The following DOCK10 variants were observed in gnomAD, a reference collection of about 807,000 sequenced individuals.
The protein encoded by DOCK10 is dedicator of cytokinesis protein 10.
A neutral mutation model predicts 280.1 loss-of-function variants in DOCK10; 145 were observed. That is an observed-to-expected ratio of 0.52 (90% CI 0.45 to 0.59). The LOEUF (loss-of-function observed/expected upper bound fraction) is 0.59. Ranked by LOEUF, DOCK10 falls within the 20% of genes least tolerant of loss-of-function variation. The pLI is 0.00. For synonymous variants in DOCK10, 915 were observed against 942.2 expected (o/e 0.97, Z 0.53); for missense variants, 2,368 against 2,651.7 (o/e 0.89, Z 2.35).
chr2:224,952,267 T>G (rs1703781009), intron 1 of DOCK10, among the ~76,000 whole-genome samples: 1 of 152,198 alleles, frequency 6.6e-6, no homozygotes, highest in Non-Finnish European at 1.5e-5. Context: ...TGTGTTTTAA[T>G]TTTAACATCA....
At chr2:225,020,209 G>C (rs1361727966) in intron 1 of DOCK10, among the ~76,000 whole-genome samples, 1 of 151,516 alleles carries the variant, frequency 6.6e-6, no homozygotes, top group Non-Finnish European at 1.5e-5. Context: ...ATATATAAAT[G>C]TTATATAGAT....
At chr2:224,797,509 G>T (rs1692664670) in intron 42 of DOCK10, among the ~76,000 whole-genome samples, 1 of 152,052 alleles carries the variant, frequency 6.6e-6, no homozygotes, top group Admixed American at 6.6e-5. Context: ...CTTTAATGTG[G>T]AATCTTTAAC....
In DOCK10 at chr2:224,874,010, C is replaced by G; in HGVS notation, c.1243G>C (p.Asp415His). 6.2e-7 allele frequency: 1 copy of G among 1,610,960 alleles called. No homozygotes were observed. The highest frequency in any genetic ancestry group is 8.5e-7 in the Non-Finnish European group (1 of 1,179,194). ...LQGCVTENEN[D>H]PITNIEPFFV... ...GAGAAACTTACATTCGTTATCGGAT[C>G]ATTTTCATTCTCCGTAACACATCCC... Residue 415 changes from aspartate to histidine, a missense_variant, in exon 11 of 56, where the codon GAT becomes CAT. Asp to His is a moderately conservative substitution (Grantham distance 81). This residue lies in a region of DOCK10 where 1,209 missense variants were observed against 1,250.9 expected (regional missense o/e 0.97). Transcript: ENST00000258390.
chr2:224,792,067 T>C (rs1244582832), intron 47 of DOCK10, among the ~76,000 whole-genome samples: 2 of 152,206 alleles, frequency 1.3e-5, no homozygotes, highest in African/African-American at 4.8e-5. Flanking sequence ...ATTTAATGTG[T>C]AAACTATATC....
chr2:224,910,976 C>CT (rs533195850), intron 3 of DOCK10, among the ~76,000 whole-genome samples: 3,184 of 149,220 alleles, frequency 0.021, 104 homozygotes, highest in African/African-American at 0.073. Flanking sequence ...TTCTCTCTCC[C>CT]TTTTTTTTTT....
intron 11 of DOCK10, among the ~76,000 whole-genome samples, chr2:224,869,660 C>T (rs551848958): frequency 1.3e-5 from 2 of 152,240 alleles, no homozygotes; most frequent in East Asian, 1.9e-4. Context: ...ACAACACTGA[C>T]GTACAAAACA....
In DOCK10 at chr2:225,028,148, C is replaced by T. The variant is rs1689967597; in HGVS notation, c.123+14104G>A. Among the ~76,000 whole-genome samples, 3 of 152,026 alleles carry T rather than the reference C, an allele frequency of 2.0e-5. No individual in the cohort carries two copies. In the South Asian group the frequency reaches 6.2e-4, roughly 32 times the overall value. On this transcript the variant is annotated intron_variant, in intron 1 of 55. Transcript: ENST00000258390. ...TGCAAATATGATTAAGATGGAAGAC[C>T]TGCAGATGGGAGATTGTCCTGGATT...
chr2:224,852,526 C>T, intron 17 of DOCK10, 84 bp from the exon 18 acceptor site: 3 of 1,014,726 alleles, frequency 3.0e-6, no homozygotes, highest in Non-Finnish European at 4.4e-6. Context: ...TAAGTAGCTT[C>T]TAATTAATCC....
chr2:225,023,955 T>G (rs964920262), intron 1 of DOCK10, among the ~76,000 whole-genome samples: 12 of 152,202 alleles, frequency 7.9e-5, no homozygotes, highest in African/African-American at 2.9e-4. Flanking sequence ...AGACACTTTC[T>G]TAACTAAGTG....
chr2:224,959,270 A>C (rs1457825735), intron 1 of DOCK10, among the ~76,000 whole-genome samples: 1 of 102,252 alleles, frequency 9.8e-6, no homozygotes, highest in Non-Finnish European at 2.2e-5. Flanking sequence ...TGATAGGTTG[A>C]GTGACCTCAG....
chr2:224,851,457 T>A (rs1480239800), intron 18 of DOCK10, among the ~76,000 whole-genome samples: 1 of 143,772 alleles, frequency 7.0e-6, no homozygotes, highest in Non-Finnish European at 1.5e-5. Flanking sequence ...CTTTTTTTTT[T>A]TAAAAAAAAA....
chr2:224,977,463 G>A (rs1041639819), intron 1 of DOCK10, among the ~76,000 whole-genome samples: 2 of 152,158 alleles, frequency 1.3e-5, no homozygotes, highest in South Asian at 2.1e-4. Context: ...AACTTCTGGG[G>A]TTGGTGATGA....
intron 3 of DOCK10, among the ~76,000 whole-genome samples, chr2:224,903,085 G>A (rs1283263194): frequency 6.6e-6 from 1 of 152,200 alleles, no homozygotes; most frequent in Non-Finnish European, 1.5e-5. Context: ...GCGACAGAGC[G>A]AGACTCCGTC....
chr2:224,857,575 C>T (rs901895054), intron 14 of DOCK10, among the ~76,000 whole-genome samples: 1 of 152,134 alleles, frequency 6.6e-6, no homozygotes, highest in Admixed American at 6.5e-5. Flanking sequence ...TATTTCCTTC[C>T]TTGGTCTGTT....
chr2:224,848,224 A>G (rs1404335336), intron 19 of DOCK10, among the ~76,000 whole-genome samples: 1 of 152,214 alleles, frequency 6.6e-6, no homozygotes, highest in Non-Finnish European at 1.5e-5. Flanking sequence ...CAGCAAGATA[A>G]CAATTGCATA....
intron 14 of DOCK10, chr2:224,862,420 G>A (rs1344211799): frequency 1.4e-5 from 5 of 366,216 alleles, no homozygotes; most frequent in Non-Finnish European, 2.5e-5. Context: ...AGAACCCATA[G>A]CATATCTGGT....
intron 31 of DOCK10, among the ~76,000 whole-genome samples, chr2:224,812,632 T>A (rs1693856716): frequency 6.6e-6 from 1 of 152,116 alleles, no homozygotes; most frequent in African/African-American, 2.4e-5. Context: ...TTTGTCATAG[T>A]TAGCTCTTAT....
chr2:224,798,093 G>C lies in DOCK10; in HGVS notation c.4507-124C>G, dbSNP rs527646674. On this transcript the variant is annotated intron_variant, in intron 41 of 55. Coordinates refer to ENST00000258390, the MANE Select transcript of DOCK10 (RefSeq NM_014689.3). The stretch of plus-strand genomic sequence containing the variant: ...TTTTGAGTGCTAGAAATAAAGGATT[G>C]AACAAGGAGACACAGTTCATGTTTA... 7.8e-6 allele frequency: 7 copies of C among 900,202 alleles called. No homozygotes were observed. In the East Asian group the frequency reaches 1.6e-4, roughly 20 times the overall value. 55.8% of individuals were successfully genotyped at this position (900,202 alleles called of 1,614,324 possible).
chr2:224,844,302 G>T (rs557819989), intron 22 of DOCK10, among the ~76,000 whole-genome samples: 1 of 152,156 alleles, frequency 6.6e-6, no homozygotes, highest in South Asian at 2.1e-4. Context: ...GACTAATTTT[G>T]TATTTTTAGT....
Sources: gnomAD v4.1 joint callset for allele counts (sites outside exome capture counted in the v4.1 genomes callset) on GRCh38, gnomAD v4.1.1 for gene constraint, gnomAD v4.1.1 regional missense constraint, MANE v1.5 for transcripts, NCBI Gene and HGNC (gene_info 2026-07-23, HGNC 2026-07-21) for gene names.